SPECC1L: variants seen among roughly 807,000 people sequenced by gnomAD.
SPECC1L encodes the protein cytospin-A.
A neutral mutation model predicts 116.8 loss-of-function variants in SPECC1L; 40 were observed. That is an observed-to-expected ratio of 0.34 (90% CI 0.27 to 0.45). The LOEUF (loss-of-function observed/expected upper bound fraction) is 0.45. Among genes scored for constraint, SPECC1L ranks in the 20% least tolerant of loss-of-function variants. The pLI is 1.00. For synonymous variants in SPECC1L, 504 were observed against 500.6 expected (o/e 1.01, Z -0.09); for missense variants, 1,110 against 1,373.6 (o/e 0.81, Z 3.03).
chr22:24,326,833 G>T (rs73879049), intron 6 of SPECC1L, among the ~76,000 whole-genome samples: 1,525 of 152,214 alleles, frequency 0.01, 24 homozygotes, highest in African/African-American at 0.035. Flanking sequence ...TACCAGAATT[G>T]CCCCTGCCGC....
intron 1 of SPECC1L, among the ~76,000 whole-genome samples, chr22:24,274,739 T>C (rs879201609): frequency 1.2e-4 from 19 of 152,336 alleles, no homozygotes; most frequent in African/African-American, 4.6e-4. Context: ...CACAATCACT[T>C]TCCCATTTAA....
chr22:24,339,751 T>A (rs1285001013), intron 10 of SPECC1L, among the ~76,000 whole-genome samples: 1 of 152,156 alleles, frequency 6.6e-6, no homozygotes, highest in Non-Finnish European at 1.5e-5. Flanking sequence ...AGTTCGTGGC[T>A]TTGCATTTGC....
intron 11 of SPECC1L, among the ~76,000 whole-genome samples, chr22:24,355,372 G>A (rs1336928786): frequency 6.6e-6 from 1 of 151,322 alleles, no homozygotes; most frequent in Non-Finnish European, 1.5e-5. Flanking sequence ...GTCCCTCTCT[G>A]GATAGAACTA....
chr22:24,309,508 C>G (rs2040418294), intron 3 of SPECC1L, among the ~76,000 whole-genome samples: 1 of 152,110 alleles, frequency 6.6e-6, no homozygotes, highest in South Asian at 2.1e-4. Context: ...TCAAGTGATT[C>G]TCCTGCCTCA....
At chr22:24,318,549 T>G (rs996990000) in intron 4 of SPECC1L, among the ~76,000 whole-genome samples, 1 of 152,008 alleles carries the variant, frequency 6.6e-6, no homozygotes, top group Non-Finnish European at 1.5e-5. Context: ...CAGATTTTCT[T>G]TTTTATAAGG....
At chr22:24,396,369 C>T (rs2146757880) in intron 14 of SPECC1L, among the ~76,000 whole-genome samples, 1 of 152,092 alleles carries the variant, frequency 6.6e-6, no homozygotes, top group Admixed American at 6.5e-5. Flanking sequence ...AGTGCATTGG[C>T]TCACTGCAAC....
intron 3 of SPECC1L, among the ~76,000 whole-genome samples, chr22:24,311,911 T>G (rs922816849): frequency 2.6e-5 from 4 of 151,738 alleles, no homozygotes; most frequent in African/African-American, 7.3e-5. Context: ...CAGCCCTTAA[T>G]TACTAGAGTT....
chr22:24,307,595 A>ATG (rs958895308), intron 3 of SPECC1L, among the ~76,000 whole-genome samples: 17 of 151,478 alleles, frequency 1.1e-4, no homozygotes, highest in African/African-American at 4.1e-4. Context: ...CTGTGTGTGT[A>ATG]TGTGAGTGTG....
rs2041214370 is a variant in SPECC1L at position 24,343,176 on chromosome 22, A to G, written c.2653-3910A>G. ...ACCACTGCACTCCAGCCTGGGCGAC[A>G]CAGGGAGACTCCATCTTAAAAAAAA... On this transcript the variant is annotated intron_variant, in intron 10 of 16. Transcript: ENST00000314328. 2.0e-5 allele frequency among the ~76,000 whole-genome samples: 3 copies of G among 152,208 alleles called. No individual in the cohort carries two copies. The South Asian group carries it at 6.2e-4, about 31-fold the overall frequency.
At chr22:24,308,819 C>A (rs2049554980) in intron 3 of SPECC1L, among the ~76,000 whole-genome samples, 1 of 151,950 alleles carries the variant, frequency 6.6e-6, no homozygotes, top group Non-Finnish European at 1.5e-5. Flanking sequence ...TTTTACTTTC[C>A]CTTGGTTTAT....
intron 13 of SPECC1L, 93 bp downstream of exon 13, chr22:24,365,725 A>G: frequency 6.9e-7 from 1 of 1,446,650 alleles, no homozygotes. Context: ...GCATTTGAGC[A>G]CTGTGATTTT....
chr22:24,276,496 AG>A (rs1206869012), intron 1 of SPECC1L, among the ~76,000 whole-genome samples: 1 of 152,024 alleles, frequency 6.6e-6, no homozygotes, highest in Admixed American at 6.5e-5. Flanking sequence ...TGCTGGACCC[AG>A]TGGTGCGCAC....
chr22:24,414,620 C>T lies in SPECC1L; in HGVS notation c.3351C>T (p.Thr1117=). The change falls in exon 17 of 17, where the codon ACC becomes ACT. Residue 1117 remains threonine, a synonymous_variant. Transcript: ENST00000314328. ...CGGCGATCTACAAGTACTTTGAGAC[C>T]TGAGCATGCCGGGAGGAGCCGCCCC... ...YVTAIYKYFE[T] is the part of the protein sequence containing the mutation. 3 of 1,613,802 alleles carry T rather than the reference C, an allele frequency of 1.9e-6. No individual in the cohort carries two copies. The highest frequency in any genetic ancestry group is 2.5e-6 in the Non-Finnish European group (3 of 1,179,934).
rs201008775 is a variant in SPECC1L at position 24,322,517 on chromosome 22, C to A, written c.1537C>A (p.Gln513Lys). The A allele has an allele frequency of 1.1e-5, 18 of 1,613,928 alleles. No homozygotes were observed. The African/African-American group carries it at 1.6e-4, about 14-fold the overall frequency. Residue 513 changes from glutamine (Q) to lysine (K), a missense_variant, in exon 5 of 17, where the codon CAG (glutamine) becomes AAG (lysine). By Grantham distance (53) the Gln-to-Lys change is moderately conservative (BLOSUM62 1). Coordinates refer to ENST00000314328, the MANE Select transcript of SPECC1L (RefSeq NM_015330.6). ...TGAACGGGAGCAGCTTCTTGGTGTC[C>A]AGCAGCATTTAAGCAATACTTTGAA... ...RFEREQLLGV[Q>K]QHLSNTLKMA... is the part of the protein sequence containing the mutation.
chr22:24,390,867 C>CTT (rs1556306072), intron 14 of SPECC1L, among the ~76,000 whole-genome samples: 81 of 47,584 alleles, frequency 1.7e-3, no homozygotes, highest in Middle Eastern at 0.013. Context: ...TTTTTTTTTT[C>CTT]TTTTCTTTTT....
At position 24,324,267 on chromosome 22, in the gene SPECC1L, T is replaced by C. The variant is rs772143480; in HGVS notation, c.1986T>C (p.Ile662=). ...TCCAAGAAGAAGCTAAGAAACAAAT[T>C]GAAGATTTGAATATGACGTTAGAAA... ...RAFQEEAKKQ[I]EDLNMTLEKL... Residue 662 remains isoleucine (I), a synonymous_variant, in exon 6 of 17, where the codon ATT becomes ATC. Transcript: ENST00000314328. The C allele has an allele frequency of 3.1e-6, 5 of 1,613,896 alleles. No homozygotes were observed. The highest frequency in any genetic ancestry group is 2.2e-5 in the East Asian group (1 of 44,852).
intron 9 of SPECC1L, among the ~76,000 whole-genome samples, chr22:24,334,826 A>G (rs2041019368): frequency 1.3e-5 from 2 of 152,232 alleles, no homozygotes; most frequent in African/African-American, 4.8e-5. Context: ...TCGGTGGATC[A>G]CACACATTCC....
chr22:24,299,625 A>T (rs1263987530), intron 2 of SPECC1L, among the ~76,000 whole-genome samples: 1 of 151,978 alleles, frequency 6.6e-6, no homozygotes, highest in African/African-American at 2.4e-5. Flanking sequence ...ATTTTACAGC[A>T]TTGGCATATA....
intron 2 of SPECC1L, among the ~76,000 whole-genome samples, chr22:24,294,410 C>G (rs138731550): frequency 0.011 from 1,592 of 144,342 alleles, 56 homozygotes; most frequent in African/African-American, 0.038. Context: ...GAGATGGAGT[C>G]TCACTTTGTT....
Sources: gnomAD v4.1 joint callset for allele counts (sites outside exome capture counted in the v4.1 genomes callset) on GRCh38, gnomAD v4.1.1 for gene constraint, MANE v1.5 for transcripts, NCBI Gene and HGNC (gene_info 2026-07-23, HGNC 2026-07-21) for gene names.